Variants in TMEM163 observed in about 807,000 individuals in gnomAD.
TMEM163 encodes transmembrane protein 163.
TMEM163 carries 17 observed loss-of-function variants against 29.3 expected under a neutral mutation model. That is an observed-to-expected ratio of 0.58 (90% CI 0.40 to 0.87). The LOEUF is 0.87. Among genes scored for constraint, TMEM163 ranks in the 40% least tolerant of loss-of-function variants. TMEM163 has a pLI of 0.00. For synonymous variants in TMEM163, 157 were observed against 160.6 expected (o/e 0.98, Z 0.17); for missense variants, 303 against 381.5 (o/e 0.79, Z 1.71).
chr2:134,552,345 C>T (rs1347718969), intron 2 of TMEM163, among the ~76,000 whole-genome samples: 1 of 152,178 alleles, frequency 6.6e-6, no homozygotes, highest in Non-Finnish European at 1.5e-5. Context: ...AATAAAATTG[C>T]TTCAACAGCT....
Position 134,522,698 on chromosome 2 carries a change from C to T in TMEM163, c.459-19701G>A, listed in dbSNP as rs543000244. Among the ~76,000 whole-genome samples, 5 of 152,306 alleles carry T rather than the reference C, an allele frequency of 3.3e-5. No individual in the cohort carries two copies. In the South Asian group the frequency reaches 8.3e-4, roughly 25 times the overall value. The stretch of plus-strand genomic sequence containing the variant: ...CACACAGGGCGAATGACTGTGGGAA[C>T]AGTAAAGAGAAAAGTCATTTATTAT... On this transcript the variant is annotated intron_variant, in intron 4 of 7. Transcript: ENST00000281924.
At chr2:134,542,164 A>G (rs1328027603) in intron 4 of TMEM163, among the ~76,000 whole-genome samples, 5 of 152,268 alleles carry the variant, frequency 3.3e-5, no homozygotes, top group Non-Finnish European at 7.3e-5. Flanking sequence ...GAAGGTAGAC[A>G]ATTTCAAACT....
chr2:134,595,146 G>C (rs1001418778), intron 2 of TMEM163, among the ~76,000 whole-genome samples: 1 of 150,614 alleles, frequency 6.6e-6, no homozygotes, highest in East Asian at 2.0e-4. Flanking sequence ...TAAGTTCTAG[G>C]GTACATGTGC....
chr2:134,538,569 A>G (rs1348278051), intron 4 of TMEM163, among the ~76,000 whole-genome samples: 4 of 152,252 alleles, frequency 2.6e-5, no homozygotes, highest in African/African-American at 4.8e-5. Flanking sequence ...ATGCCCATCA[A>G]CCGATGAATG....
intron 2 of TMEM163, among the ~76,000 whole-genome samples, chr2:134,626,265 C>A (rs1429715220): frequency 6.6e-6 from 1 of 151,928 alleles, no homozygotes; most frequent in Non-Finnish European, 1.5e-5. Flanking sequence ...CTACCACGCC[C>A]AGCTAATTTT....
intron 2 of TMEM163, among the ~76,000 whole-genome samples, chr2:134,600,071 A>G (rs1682192353): frequency 6.6e-6 from 1 of 152,216 alleles, no homozygotes; most frequent in Non-Finnish European, 1.5e-5. Context: ...TCCCTTCTGC[A>G]TCCCCAGACC....
Position 134,550,663 on chromosome 2 carries a change from TAGG to T in TMEM163, c.367-5_367-3del. On this transcript the variant is annotated splice_polypyrimidine_tract_variant and splice_region_variant and intron_variant, in intron 3 of 7. Transcript: ENST00000281924. ...CAGGACGTCCAGGATGGCATCAAAC[TAGG>T]AGAAGGAGACATGGCATTAGAGGCT... The T allele has an allele frequency of 4.3e-6, 7 of 1,614,060 alleles. No individual in the cohort carries two copies. Among genetic ancestry groups the T allele is most frequent in the Non-Finnish European group, 4.2e-6 (5 of 1,179,952 alleles).
chr2:134,718,705 G>C, intron 1 of TMEM163, 29 bp downstream of exon 1: 1 of 1,136,922 alleles, frequency 8.8e-7, no homozygotes, highest in Non-Finnish European at 1.1e-6. Flanking sequence ...CACCCCGGTC[G>C]CCGGCCGGGT....
chr2:134,541,769 C>T (rs538432158), intron 4 of TMEM163, among the ~76,000 whole-genome samples: 10 of 106,542 alleles, frequency 9.4e-5, no homozygotes, highest in South Asian at 8.2e-4. Flanking sequence ...TGTGTACACA[C>T]GTGCACACAC....
rs561016415 is a variant in TMEM163 at position 134,695,083 on chromosome 2, A to C, written c.322+18117T>G. Among the ~76,000 whole-genome samples, 9 of 152,292 alleles carry C rather than the reference A, an allele frequency of 5.9e-5. 1 individual carries two copies. Among genetic ancestry groups the C allele is most frequent in the Admixed American group, 5.9e-4 (9 of 15,280 alleles). On this transcript the variant is annotated intron_variant, in intron 2 of 7. Coordinates refer to ENST00000281924, the MANE Select transcript of TMEM163 (RefSeq NM_030923.5). The stretch of plus-strand genomic sequence containing the variant: ...ACTAAATGATGGAAAGGAGGAAAAA[A>C]AAATTTTTTTTGAGACGGAGTCTCG...
At chr2:134,647,565 A>C (rs1683361780) in intron 2 of TMEM163, among the ~76,000 whole-genome samples, 1 of 152,214 alleles carries the variant, frequency 6.6e-6, no homozygotes, top group Non-Finnish European at 1.5e-5. Flanking sequence ...GTTATAGACT[A>C]GGTCAAAACT....
chr2:134,499,315 T>C (rs547272850), intron 5 of TMEM163, among the ~76,000 whole-genome samples: 107 of 152,238 alleles, frequency 7.0e-4, no homozygotes, highest in Non-Finnish European at 1.2e-3. Flanking sequence ...AAGCAGCCTA[T>C]TGGTAAAAGG....
intron 2 of TMEM163, among the ~76,000 whole-genome samples, chr2:134,680,098 C>CT (rs1684198192): frequency 6.6e-6 from 1 of 152,234 alleles, no homozygotes; most frequent in East Asian, 1.9e-4. Context: ...GAAAGTCAGG[C>CT]TGCTAAGGCA....
chr2:134,470,110 C>T (rs1005358499), intron 5 of TMEM163: 1 of 152,484 alleles, frequency 6.6e-6, no homozygotes, highest in African/African-American at 2.4e-5. Context: ...GTAATCCTAG[C>T]ACTTTGGGAG....
chr2:134,595,881 T>C (rs1682068471), intron 2 of TMEM163, among the ~76,000 whole-genome samples: 1 of 152,278 alleles, frequency 6.6e-6, no homozygotes, highest in South Asian at 2.1e-4. Context: ...GATGAGCATT[T>C]TTTCATGTGT....
Position 134,456,534 on chromosome 2 carries a change from A to G in TMEM163, c.*182T>C. ...TATGGGCATTGTCCCAACATGTTTGATGGGGGCGGCAGGTGATGGGGGCAA... is the reference window on the plus strand; with the variant it reads ...TATGGGCATTGTCCCAACATGTTTGGTGGGGGCGGCAGGTGATGGGGGCAA... On this transcript the variant is annotated 3_prime_UTR_variant, in exon 8 of 8. Transcript: ENST00000281924. 1 of 659,778 alleles carries G rather than the reference A, an allele frequency of 1.5e-6. No homozygotes were observed. 40.9% of individuals were successfully genotyped at this position (659,778 alleles called of 1,614,324 possible). A position where few individuals can be genotyped will look rare whatever the true frequency, so the allele number is the denominator to read the frequency against.
At chr2:134,620,140 T>A (rs1032940134) in intron 2 of TMEM163, among the ~76,000 whole-genome samples, 1 of 152,220 alleles carries the variant, frequency 6.6e-6, no homozygotes, top group African/African-American at 2.4e-5. Context: ...TTTATTTATT[T>A]TTATAGAAAC....
chr2:134,586,536 T>TAC (rs1302210803), intron 2 of TMEM163, among the ~76,000 whole-genome samples: 1 of 152,236 alleles, frequency 6.6e-6, no homozygotes, highest in East Asian at 1.9e-4. Flanking sequence ...GGTCCCACCA[T>TAC]ACTCCAGCAT....
chr2:134,682,237 C>A (rs1684262331), intron 2 of TMEM163, among the ~76,000 whole-genome samples: 1 of 152,180 alleles, frequency 6.6e-6, no homozygotes, highest in Admixed American at 6.5e-5. Flanking sequence ...ACATCTCTTG[C>A]AGAACCCAGG....
Sources: allele counts gnomAD v4.1 joint callset (sites outside exome capture counted in the v4.1 genomes callset), GRCh38; gene constraint gnomAD v4.1.1; transcripts MANE v1.5; gene names NCBI Gene and HGNC (gene_info 2026-07-23, HGNC 2026-07-21).